The following NRG1 variants were observed in gnomAD, a reference collection of about 807,000 sequenced individuals.
NRG1 encodes neuregulin 1.
In NRG1, 18 loss-of-function variants were observed where a neutral mutation model predicts 63.8. The observed-to-expected ratio is 0.28, with a 90% CI of 0.19 to 0.42. The LOEUF (loss-of-function observed/expected upper bound fraction) is 0.42, where lower values mean the gene tolerates loss of function less well. NRG1 is among the 10% of genes least tolerant of loss of function. The pLI, the probability that NRG1 is intolerant of heterozygous loss-of-function variation, is 1.00. For synonymous variants in NRG1, 302 were observed against 301.3 expected, an observed-to-expected ratio of 1.00 and a Z score of -0.02; for missense variants, 762 against 814.7, an observed-to-expected ratio of 0.94 and a Z score of 0.79.
At chr8:31,691,978 G>T (rs187669576) in intron 1 of NRG1, among the ~76,000 whole-genome samples, 1 of 152,072 alleles carries the variant, frequency 6.6e-6, no homozygotes, top group African/African-American at 2.4e-5. Flanking sequence ...GACTACAGGG[G>T]CACACTACCA....
chr8:32,252,220 T>C (rs999139080), intron 1 of NRG1, among the ~76,000 whole-genome samples: 3 of 152,206 alleles, frequency 2.0e-5, no homozygotes, highest in Admixed American at 6.5e-5. Context: ...TTCATCAATT[T>C]TGGATTTTGT....
At chr8:32,471,584 G>A (rs1243459758) in intron 1 of NRG1, among the ~76,000 whole-genome samples, 1 of 152,004 alleles carries the variant, frequency 6.6e-6, no homozygotes, top group Non-Finnish European at 1.5e-5. Context: ...GGTTTAGTAA[G>A]AGACAATAAA....
At chr8:32,551,443 A>G (rs1834089563) in intron 1 of NRG1, among the ~76,000 whole-genome samples, 1 of 152,150 alleles carries the variant, frequency 6.6e-6, no homozygotes, top group Admixed American at 6.5e-5. Flanking sequence ...GGGAGAGATA[A>G]TGGGGTGGGA....
In NRG1 at chr8:32,614,570, G is replaced by A. The variant is rs763079401; in HGVS notation, c.451+6G>A. The A allele has an allele frequency of 2.5e-6, 4 of 1,611,474 alleles. No individual in the cohort carries two copies. The Admixed American group carries it at 5.0e-5, about 20-fold the overall frequency. On this transcript the variant is annotated splice_donor_region_variant and intron_variant, in intron 4 of 11. Transcript: ENST00000356819. ...AGGAGCATATGTGTCTTCAGGTAAG[G>A]AAAATAAGCCTGGCAAATTTTACTA...
chr8:32,232,537 C>A (rs1847067932), intron 1 of NRG1, among the ~76,000 whole-genome samples: 1 of 152,104 alleles, frequency 6.6e-6, no homozygotes, highest in Non-Finnish European at 1.5e-5. Context: ...ACTGGTGCTT[C>A]TTCACAGGGA....
intron 1 of NRG1, among the ~76,000 whole-genome samples, chr8:31,914,490 A>G (rs1833216843): frequency 6.6e-6 from 1 of 151,892 alleles, no homozygotes. Flanking sequence ...AAGTCACTAG[A>G]TATAGCAACC....
At chr8:32,187,307 C>T (rs16878955) in intron 1 of NRG1, among the ~76,000 whole-genome samples, 1,635 of 152,134 alleles carry the variant, frequency 0.011, 25 homozygotes, top group African/African-American at 0.035. Flanking sequence ...ATTTCCATGG[C>T]GTAGTTCTTT....
Position 32,433,713 on chromosome 8 carries a change from A to T in NRG1, c.38-162115A>T, listed in dbSNP as rs1039335702. Reference sequence around the variant, plus strand: ...TTCTCATCTATGCAGCTCTAAATGGATGTTAGAATTCACCCCTCTTTCCTA... The same window carrying T: ...TTCTCATCTATGCAGCTCTAAATGGTTGTTAGAATTCACCCCTCTTTCCTA... On this transcript the variant is annotated intron_variant, in intron 1 of 10. Transcript: ENST00000519301. 5.3e-5 allele frequency among the ~76,000 whole-genome samples: 8 copies of T among 152,252 alleles called. 1 individual carries two copies. The highest frequency in any genetic ancestry group is 1.9e-4 in the African/African-American group (8 of 41,564).
intron 1 of NRG1, among the ~76,000 whole-genome samples, chr8:31,926,236 G>A (rs1449321791): frequency 6.6e-6 from 1 of 151,970 alleles, no homozygotes; most frequent in East Asian, 1.9e-4. Context: ...ATGAAAGACG[G>A]GGCCTTTTTT....
intron 1 of NRG1, among the ~76,000 whole-genome samples, chr8:31,869,975 A>G (rs1341215830): frequency 6.6e-6 from 1 of 152,240 alleles, no homozygotes; most frequent in Non-Finnish European, 1.5e-5. Context: ...AGAAAACAAA[A>G]CAATGAGATT....
chr8:31,851,209 A>T (rs949049796), intron 1 of NRG1, among the ~76,000 whole-genome samples: 1 of 152,244 alleles, frequency 6.6e-6, no homozygotes, highest in Non-Finnish European at 1.5e-5. Context: ...ATTGCTAATT[A>T]AAAAATGATT....
intron 1 of NRG1, among the ~76,000 whole-genome samples, chr8:31,802,181 C>T (rs990061115): frequency 8.5e-5 from 13 of 152,140 alleles, no homozygotes; most frequent in African/African-American, 2.4e-4. Context: ...TCGTCTATTA[C>T]CCAGTGTTCT....
chr8:32,267,166 AAAG>A lies in NRG1; in HGVS notation c.38-328658_38-328656del, dbSNP rs1851064458. Among the ~76,000 whole-genome samples the A allele has an allele frequency of 6.2e-5, 9 of 145,846 alleles. 1 individual carries two copies. The South Asian group carries it at 1.9e-3, about 31-fold the overall frequency. ...GAAGGAAGGAGAAAGAAGGAAGGAG[AAAG>A]AAGGAAGGAAGGAGAAAGAAGGAAG... On this transcript the variant is annotated intron_variant, in intron 1 of 10. Transcript: ENST00000519301.
intron 1 of NRG1, among the ~76,000 whole-genome samples, chr8:32,344,939 A>C (rs1804690622): frequency 1.3e-5 from 2 of 152,164 alleles, no homozygotes; most frequent in Admixed American, 1.3e-4. Flanking sequence ...ATTTCTGCTC[A>C]AGGCTTGCTA....
chr8:32,390,506 G>C (rs373370636), intron 1 of NRG1, among the ~76,000 whole-genome samples: 1 of 151,376 alleles, frequency 6.6e-6, no homozygotes, highest in Non-Finnish European at 1.5e-5. Flanking sequence ...AGGAGCCTGA[G>C]GTGGGAGGAT....
intron 1 of NRG1, among the ~76,000 whole-genome samples, chr8:32,426,339 T>C: frequency 6.6e-6 from 1 of 152,160 alleles, no homozygotes; most frequent in African/African-American, 2.4e-5. Flanking sequence ...GTGTGCATTT[T>C]TATGTATATG....
At chr8:32,477,295 C>T (rs538499180) in intron 1 of NRG1, among the ~76,000 whole-genome samples, 45 of 152,252 alleles carry the variant, frequency 3.0e-4, no homozygotes, top group African/African-American at 1.0e-3. Context: ...GAGAGTTCAT[C>T]GTATTCGCCT....
At chr8:32,108,558 T>G (rs1458042059) in intron 1 of NRG1, among the ~76,000 whole-genome samples, 1 of 151,968 alleles carries the variant, frequency 6.6e-6, no homozygotes, top group Non-Finnish European at 1.5e-5. Context: ...ACACCTGAAT[T>G]TAAGAGGGGG....
At chr8:32,700,767 A>T (rs1814648374) in intron 5 of NRG1, among the ~76,000 whole-genome samples, 1 of 152,226 alleles carries the variant, frequency 6.6e-6, no homozygotes. Flanking sequence ...CATGTGAGTG[A>T]GCACACTGAT....
Sources: gnomAD v4.1 joint callset for allele counts (sites outside exome capture counted in the v4.1 genomes callset) on GRCh38, gnomAD v4.1.1 for gene constraint, MANE v1.5 for transcripts, NCBI Gene and HGNC (gene_info 2026-07-23, HGNC 2026-07-21) for gene names.